The following GALNTL6 variants were observed in gnomAD, a reference collection of about 807,000 sequenced individuals.
GALNTL6 encodes the protein polypeptide N-acetylgalactosaminyltransferase-like 6.
A neutral mutation model predicts 73.7 loss-of-function variants in GALNTL6; 46 were observed. That is an observed-to-expected ratio of 0.62 (90% CI 0.49 to 0.80). The LOEUF (loss-of-function observed/expected upper bound fraction) is 0.80. GALNTL6 is among the 30% of genes least tolerant of loss of function. The probability of loss-of-function intolerance (pLI) is 0.00; values close to 1 mark genes in which losing one functional copy is unlikely to be tolerated. For synonymous variants in GALNTL6, 259 were observed against 263.7 expected, an observed-to-expected ratio of 0.98 and a Z score of 0.17; for missense variants, 604 against 755.0, an observed-to-expected ratio of 0.80 and a Z score of 2.34.
intron 9 of GALNTL6, among the ~76,000 whole-genome samples, chr4:172,933,472 A>C (rs1333657691): frequency 6.6e-6 from 1 of 152,160 alleles, no homozygotes; most frequent in East Asian, 1.9e-4. Flanking sequence ...TTCCAGGAAA[A>C]AGTGAATATT....
At chr4:171,912,191 CTTTATA>C (rs977267617) in intron 2 of GALNTL6, among the ~76,000 whole-genome samples, 9 of 152,126 alleles carry the variant, frequency 5.9e-5, no homozygotes, top group African/African-American at 1.4e-4. Context: ...AAAGTAGATC[CTTTATA>C]TTTATAGACT....
At chr4:172,559,676 C>G (rs1325655017) in intron 5 of GALNTL6, among the ~76,000 whole-genome samples, 1 of 152,090 alleles carries the variant, frequency 6.6e-6, no homozygotes, top group African/African-American at 2.4e-5. Flanking sequence ...TCTAAGAAGT[C>G]TGAGATCTTT....
chr4:172,924,851 T>C (rs1747965568), intron 8 of GALNTL6, among the ~76,000 whole-genome samples: 1 of 152,018 alleles, frequency 6.6e-6, no homozygotes. Context: ...AATGGTATGC[T>C]CAGATTTATG....
intron 2 of GALNTL6, among the ~76,000 whole-genome samples, chr4:172,095,968 T>TTCTTTTCTCTCTCTTTTCTTTTCTC (rs1322191752): frequency 6.6e-6 from 1 of 152,028 alleles, no homozygotes; most frequent in African/African-American, 2.4e-5. Context: ...TTTCCCATTT[T>TTCTTTTCTCTCTCTTTTCTTTTCTC]TCTTTTCTCT....
intron 2 of GALNTL6, among the ~76,000 whole-genome samples, chr4:172,094,836 T>A (rs539725561): frequency 3.9e-5 from 6 of 152,140 alleles, no homozygotes; most frequent in Non-Finnish European, 7.4e-5. Context: ...ATCTTCCAAC[T>A]TCCTGCTTAA....
intron 5 of GALNTL6, among the ~76,000 whole-genome samples, chr4:172,574,869 A>G (rs1045157044): frequency 6.6e-6 from 1 of 152,102 alleles, no homozygotes; most frequent in Non-Finnish European, 1.5e-5. Flanking sequence ...TCCAACAAAT[A>G]AGATATATTT....
At chr4:172,186,582 A>C (rs1403557676) in intron 2 of GALNTL6, among the ~76,000 whole-genome samples, 1 of 152,176 alleles carries the variant, frequency 6.6e-6, no homozygotes, top group Non-Finnish European at 1.5e-5. Flanking sequence ...TCAACCATAG[A>C]AAGAAATGAA....
chr4:172,496,206 A>G (rs999801449), intron 5 of GALNTL6, among the ~76,000 whole-genome samples: 2 of 152,150 alleles, frequency 1.3e-5, no homozygotes, highest in African/African-American at 2.4e-5. Flanking sequence ...TCCTTCTTAA[A>G]CAACTGTTAT....
At chr4:172,923,420 C>T (rs562447059) in intron 8 of GALNTL6, among the ~76,000 whole-genome samples, 2 of 151,742 alleles carry the variant, frequency 1.3e-5, no homozygotes, top group African/African-American at 4.8e-5. Flanking sequence ...CCCACTGGGT[C>T]CCTACCACTA....
At chr4:172,377,815 G>C (rs1206942198) in intron 5 of GALNTL6, among the ~76,000 whole-genome samples, 1 of 152,170 alleles carries the variant, frequency 6.6e-6, no homozygotes, top group African/African-American at 2.4e-5. Flanking sequence ...TGGCTGCACA[G>C]GCTGGCCGCT....
chr4:172,426,059 T>C (rs1020880684), intron 5 of GALNTL6, among the ~76,000 whole-genome samples: 1 of 152,136 alleles, frequency 6.6e-6, no homozygotes, highest in Non-Finnish European at 1.5e-5. Context: ...ATTTATCACA[T>C]GGTGGCATGT....
intron 5 of GALNTL6, among the ~76,000 whole-genome samples, chr4:172,661,998 A>G (rs968542912): frequency 2.6e-5 from 4 of 152,186 alleles, no homozygotes; most frequent in African/African-American, 9.7e-5. Context: ...TAGACAGGCT[A>G]CACAGAGCAT....
At chr4:172,292,747 T>A (rs2111103356) in intron 3 of GALNTL6, among the ~76,000 whole-genome samples, 1 of 152,298 alleles carries the variant, frequency 6.6e-6, no homozygotes, top group South Asian at 2.1e-4. Context: ...ATATTTCTAA[T>A]ACTGGTGAAT....
intron 8 of GALNTL6, among the ~76,000 whole-genome samples, chr4:172,900,420 T>C (rs1746565869): frequency 6.6e-6 from 1 of 152,162 alleles, no homozygotes; most frequent in African/African-American, 2.4e-5. Flanking sequence ...TTAAGTTCAC[T>C]GTTAACCTTT....
chr4:172,174,200 T>G (rs1341539564), intron 2 of GALNTL6, among the ~76,000 whole-genome samples: 1 of 152,120 alleles, frequency 6.6e-6, no homozygotes, highest in Non-Finnish European at 1.5e-5. Context: ...TGGAGAAAAG[T>G]GGACGGATCA....
At chr4:172,881,153 A>C (rs544024133) in intron 7 of GALNTL6, among the ~76,000 whole-genome samples, 1 of 152,344 alleles carries the variant, frequency 6.6e-6, no homozygotes, top group East Asian at 1.9e-4. Flanking sequence ...TGCAGAAGTA[A>C]TGCTTACAAT....
At chr4:172,695,657 G>C (rs1560886153) in intron 5 of GALNTL6, among the ~76,000 whole-genome samples, 1 of 152,058 alleles carries the variant, frequency 6.6e-6, no homozygotes. Context: ...TTCTCTTCAA[G>C]AAATTGTAGG....
chr4:171,911,300 C>T (rs1737469556), intron 2 of GALNTL6, among the ~76,000 whole-genome samples: 1 of 152,150 alleles, frequency 6.6e-6, no homozygotes. Flanking sequence ...GCTGGGACTA[C>T]AGGCAAGCAT....
intron 8 of GALNTL6, among the ~76,000 whole-genome samples, chr4:172,900,262 T>G (rs879119356): frequency 6.6e-6 from 1 of 152,218 alleles, no homozygotes; most frequent in Non-Finnish European, 1.5e-5. Context: ...AGATATAAAA[T>G]TTTAAAGATT....
Sources: allele counts gnomAD v4.1 joint callset (sites outside exome capture counted in the v4.1 genomes callset), GRCh38; gene constraint gnomAD v4.1.1; transcripts MANE v1.5; gene names NCBI Gene and HGNC (gene_info 2026-07-23, HGNC 2026-07-21).